PUDP: variants seen among roughly 807,000 people sequenced by gnomAD.
The protein encoded by PUDP is pseudouridine-5'-phosphatase.
In PUDP, 8 loss-of-function variants were observed where a neutral mutation model predicts 9.4. That is an observed-to-expected ratio of 0.85 (90% CI 0.50 to 1.53). The LOEUF (loss-of-function observed/expected upper bound fraction) is 1.53. Ranked by LOEUF, PUDP falls within the 40% of genes most tolerant of loss-of-function variation. The pLI is 0.00. For synonymous variants in PUDP, 99 were observed against 80.7 expected (o/e 1.23, Z -1.22); for missense variants, 188 against 189.7 (o/e 0.99, Z 0.05).
chrX:6,895,918 G>A (rs1159015881), intron 3 of PUDP, among the ~76,000 whole-genome samples: 2 of 110,474 alleles, frequency 1.8e-5, no homozygotes, highest in Non-Finnish European at 3.8e-5. Flanking sequence ...AAGGGGCGAG[G>A]GAGCTCTGTG....
chrX:6,807,642 G>A, intron 3 of PUDP, among the ~76,000 whole-genome samples: 2 of 112,072 alleles, frequency 1.8e-5, no homozygotes, highest in African/African-American at 6.5e-5. Context: ...GGGTGGCGAT[G>A]AAGACAGCAC....
chrX:7,136,741 G>A (rs1932752107), intron 1 of PUDP, among the ~76,000 whole-genome samples: 1 of 95,044 alleles, frequency 1.1e-5, no homozygotes, highest in African/African-American at 4.1e-5. Context: ...ATGAGAAAGT[G>A]CTCTGTGCTC....
chrX:7,126,381 T>C (rs761887520), intron 1 of PUDP, among the ~76,000 whole-genome samples: 3 of 112,079 alleles, frequency 2.7e-5, no homozygotes, highest in Middle Eastern at 4.6e-3. Context: ...CAGGAAAACA[T>C]TGGTCCAGAT....
intron 3 of PUDP, among the ~76,000 whole-genome samples, chrX:6,966,400 T>A (rs4830733): frequency 9.1e-6 from 1 of 109,683 alleles, no homozygotes; most frequent in Non-Finnish European, 1.9e-5. Context: ...ATCAAAGAAT[T>A]GTACAATTTG....
At chrX:6,879,553 C>T (rs1195784386) in intron 3 of PUDP, among the ~76,000 whole-genome samples, 2 of 111,583 alleles carry the variant, frequency 1.8e-5, no homozygotes, top group Non-Finnish European at 3.8e-5. Context: ...GCATCTTGGG[C>T]AAGTCATTCC....
At chrX:6,982,300 T>C (rs1488126093) in intron 1 of PUDP, among the ~76,000 whole-genome samples, 1 of 112,057 alleles carries the variant, frequency 8.9e-6, no homozygotes, top group African/African-American at 3.2e-5. Flanking sequence ...AAGAGCTTAA[T>C]TGGCGTGAGG....
At chrX:6,747,518 G>A (rs1456712261) in intron 3 of PUDP, among the ~76,000 whole-genome samples, 1 of 112,044 alleles carries the variant, frequency 8.9e-6, no homozygotes, top group Non-Finnish European at 1.9e-5. Flanking sequence ...ATGTTAATTA[G>A]ACAACATAAT....
intron 3 of PUDP, among the ~76,000 whole-genome samples, chrX:6,739,212 T>A (rs1924908178): frequency 9.0e-6 from 1 of 111,618 alleles, no homozygotes. Context: ...CGAAAATGGT[T>A]CACGGAAGGG....
intron 1 of PUDP, among the ~76,000 whole-genome samples, chrX:7,009,425 C>G (rs1259259433): frequency 8.9e-6 from 1 of 112,019 alleles, no homozygotes; most frequent in Non-Finnish European, 1.9e-5. Flanking sequence ...GCATCATCTA[C>G]TAGTTAATCT....
Position 7,125,759 on chromosome X carries a change from C to T in PUDP, c.62-19921G>A, listed in dbSNP as rs943903384. Among the ~76,000 whole-genome samples the T allele has an allele frequency of 7.2e-5, 8 of 111,703 alleles. No individual in the cohort carries two copies. In the Admixed American group the frequency reaches 7.6e-4, roughly 11 times the overall value. On this transcript the variant is annotated intron_variant, in intron 1 of 3. Coordinates refer to ENST00000381077, the MANE Select transcript of PUDP (RefSeq NM_012080.5). ...AAGGCACATCTCACTTGGCGGCAGA[C>T]GTGACAGCGAGCTTGTGCAGGAAAA...
At chrX:6,910,918 G>A (rs1927839641) in intron 3 of PUDP, among the ~76,000 whole-genome samples, 1 of 111,986 alleles carries the variant, frequency 8.9e-6, no homozygotes, top group African/African-American at 3.2e-5. Context: ...CTCACATGGT[G>A]GAAGGGGCAA....
intron 3 of PUDP, among the ~76,000 whole-genome samples, chrX:6,953,695 A>G (rs1209718162): frequency 1.8e-5 from 2 of 111,402 alleles, no homozygotes; most frequent in East Asian, 5.7e-4. Context: ...TTCCCTAAGC[A>G]GCAGTGCATT....
At position 7,105,788 on chromosome X, in the gene PUDP, C is replaced by A. The variant is rs776637193; in HGVS notation, c.112G>T (p.Asp38Tyr). 5.0e-6 allele frequency: 6 copies of A among 1,206,779 alleles called. No individual in the cohort carries two copies. The highest frequency in any genetic ancestry group is 2.3e-4 in the Middle Eastern group (1 of 4,362). ...TTTACATCCCAGCTGTATTTCTTGT[C>A]ATAGCGATTACATATTTCTTGAAAC... ...VVFQEICNRY[D>Y]KKYSWDVKSL... is the part of the protein sequence containing the mutation. The change falls in exon 2 of 4, where the codon GAC (aspartate) becomes TAC (tyrosine). Residue 38 changes from aspartate (D) to tyrosine (Y), a missense_variant. By Grantham distance (160) the Asp-to-Tyr change is radical. Transcript: ENST00000381077.
chrX:7,078,987 A>G (rs1035633810), intron 2 of PUDP, among the ~76,000 whole-genome samples: 2 of 112,209 alleles, frequency 1.8e-5, no homozygotes, highest in African/African-American at 6.5e-5. Context: ...TCATGACCTT[A>G]TGTAACGGCT....
intron 3 of PUDP, among the ~76,000 whole-genome samples, chrX:6,873,709 C>T (rs1386232825): frequency 9.0e-6 from 1 of 111,587 alleles, no homozygotes; most frequent in Non-Finnish European, 1.9e-5. Context: ...AGGTAATTAC[C>T]CACTTTTTAC....
At chrX:6,707,607 T>G (rs1924485311) in intron 1 of PUDP, among the ~76,000 whole-genome samples, 1 of 110,887 alleles carries the variant, frequency 9.0e-6, no homozygotes, top group Admixed American at 9.6e-5. Context: ...ACAACAGGGT[T>G]CGCACTCCTA....
At chrX:6,902,074 G>T (rs73190755) in intron 3 of PUDP, among the ~76,000 whole-genome samples, 4,314 of 110,330 alleles carry the variant, frequency 0.039, 85 homozygotes, top group Non-Finnish European at 0.059. Context: ...GGCGGGGGGC[G>T]GGGGTCTCAC....
intron 3 of PUDP, among the ~76,000 whole-genome samples, chrX:6,898,759 A>G (rs1479159078): frequency 1.2e-4 from 12 of 103,972 alleles, no homozygotes; most frequent in African/African-American, 3.7e-4. Flanking sequence ...GTGTGTCAAG[A>G]AATATTCTTC....
chrX:6,945,551 A>G (rs988940943), intron 3 of PUDP, among the ~76,000 whole-genome samples: 3 of 111,891 alleles, frequency 2.7e-5, no homozygotes, highest in African/African-American at 9.7e-5. Context: ...CTAAATGGTC[A>G]ATATACACAA....
Sources: gnomAD v4.1 joint callset for allele counts (sites outside exome capture counted in the v4.1 genomes callset) on GRCh38, gnomAD v4.1.1 for gene constraint, MANE v1.5 for transcripts, NCBI Gene and HGNC (gene_info 2026-07-23, HGNC 2026-07-21) for gene names.